The following DSCAM variants were observed in gnomAD, a reference collection of about 807,000 sequenced individuals.
DSCAM encodes the protein DS cell adhesion molecule, also known as cell adhesion molecule DSCAM.
DSCAM carries 47 observed loss-of-function variants against 217.7 expected under a neutral mutation model. The observed-to-expected ratio is 0.22, with a 90% CI of 0.17 to 0.28. The LOEUF is 0.28. Ranked by LOEUF, DSCAM falls within the 10% of genes least tolerant of loss-of-function variation. The probability of loss-of-function intolerance (pLI) is 1.00; values close to 1 mark genes in which losing one functional copy is unlikely to be tolerated. For synonymous variants in DSCAM, 1,056 were observed against 1,015.3 expected, an observed-to-expected ratio of 1.04 and a Z score of -0.76; for missense variants, 2,080 against 2,618.3, an observed-to-expected ratio of 0.79 and a Z score of 4.49.
intron 8 of DSCAM, among the ~76,000 whole-genome samples, chr21:40,315,356 G>C (rs1370082865): frequency 6.6e-6 from 1 of 151,338 alleles, no homozygotes; most frequent in Non-Finnish European, 1.5e-5. Context: ...GTGAGCCAAG[G>C]TCATGTCACT....
At chr21:40,433,064 A>T (rs1443868490) in intron 3 of DSCAM, among the ~76,000 whole-genome samples, 2 of 152,154 alleles carry the variant, frequency 1.3e-5, no homozygotes, top group African/African-American at 4.8e-5. Context: ...TCATTAATAT[A>T]CCTGTCAAAA....
chr21:40,142,905 A>T (rs191604833), intron 17 of DSCAM, among the ~76,000 whole-genome samples: 2 of 152,334 alleles, frequency 1.3e-5, no homozygotes, highest in African/African-American at 4.8e-5. Context: ...TCATGAGTCA[A>T]TGCATATATT....
At chr21:40,519,482 G>C (rs2146084731) in intron 3 of DSCAM, among the ~76,000 whole-genome samples, 1 of 152,296 alleles carries the variant, frequency 6.6e-6, no homozygotes, top group Admixed American at 6.5e-5. Context: ...ACACCTGAGA[G>C]AGACCCCTTG....
intron 1 of DSCAM, among the ~76,000 whole-genome samples, chr21:40,843,336 G>A (rs2092117309): frequency 6.6e-6 from 1 of 150,974 alleles, no homozygotes; most frequent in African/African-American, 2.4e-5. Flanking sequence ...AAATCCCACA[G>A]CTCAGGAAAA....
intron 3 of DSCAM, among the ~76,000 whole-genome samples, chr21:40,674,700 TC>T (rs1348307923): frequency 2.1e-5 from 3 of 144,482 alleles, no homozygotes; most frequent in Non-Finnish European, 4.5e-5. Flanking sequence ...TGGCGCGATC[TC>T]GGCTCACTGC....
At chr21:40,171,325 G>A (rs569301632) in intron 15 of DSCAM, among the ~76,000 whole-genome samples, 10 of 152,160 alleles carry the variant, frequency 6.6e-5, no homozygotes, top group African/African-American at 4.8e-5. Flanking sequence ...TGATCCGCCC[G>A]CCTCAGCCTC....
chr21:40,232,023 C>A lies in DSCAM; in HGVS notation c.2357-42785G>T, dbSNP rs187768454. ...ACATTCTAGGAATCATCTAAATGTTCCCATATATCTACTTGAAAAATATCA... is the reference window on the plus strand; with the variant it reads ...ACATTCTAGGAATCATCTAAATGTTACCATATATCTACTTGAAAAATATCA... On this transcript the variant is annotated intron_variant, in intron 11 of 32. Coordinates refer to ENST00000400454, the MANE Select transcript of DSCAM (RefSeq NM_001389.5). 3.3e-5 allele frequency among the ~76,000 whole-genome samples: 5 copies of A among 152,220 alleles called. No homozygotes were observed. In the East Asian group the frequency reaches 9.7e-4, roughly 29 times the overall value.
intron 3 of DSCAM, among the ~76,000 whole-genome samples, chr21:40,567,046 T>C (rs903778109): frequency 6.6e-6 from 1 of 152,108 alleles, no homozygotes. Context: ...AGCAGGGCCA[T>C]GTTAAGATGC....
intron 1 of DSCAM, among the ~76,000 whole-genome samples, chr21:40,750,926 G>A (rs1180102879): frequency 6.6e-6 from 1 of 152,134 alleles, no homozygotes; most frequent in Non-Finnish European, 1.5e-5. Context: ...CCCACCTGGA[G>A]CCCTCGCTCC....
At chr21:40,721,881 A>T (rs1303978015) in intron 1 of DSCAM, among the ~76,000 whole-genome samples, 1 of 152,172 alleles carries the variant, frequency 6.6e-6, no homozygotes, top group Non-Finnish European at 1.5e-5. Flanking sequence ...AAATTGTTCA[A>T]ATCCAACATA....
chr21:40,425,991 C>G (rs934903674), intron 3 of DSCAM, among the ~76,000 whole-genome samples: 1 of 152,196 alleles, frequency 6.6e-6, no homozygotes, highest in Non-Finnish European at 1.5e-5. Context: ...GTAAATTTCA[C>G]TTTGCTTGCT....
chr21:40,697,464 T>C (rs551133718), intron 2 of DSCAM, among the ~76,000 whole-genome samples: 36 of 152,344 alleles, frequency 2.4e-4, no homozygotes, highest in Non-Finnish European at 4.1e-4. Flanking sequence ...TTTCATAGTT[T>C]CAAGACTTAG....
intron 9 of DSCAM, 43 bp from the exon 10 acceptor site, chr21:40,296,217 A>C (rs778549556): frequency 6.2e-7 from 1 of 1,605,772 alleles, no homozygotes; most frequent in African/African-American, 1.3e-5. Flanking sequence ...ACTAGACCAG[A>C]AACTGAGTAA....
chr21:40,109,594 G>C (rs909624756), intron 20 of DSCAM, among the ~76,000 whole-genome samples: 4 of 152,210 alleles, frequency 2.6e-5, no homozygotes, highest in African/African-American at 9.6e-5. Flanking sequence ...GCAGCGCACC[G>C]AGCATGAGGC....
At chr21:40,275,119 G>A (rs1221175389) in intron 11 of DSCAM, among the ~76,000 whole-genome samples, 2 of 151,782 alleles carry the variant, frequency 1.3e-5, no homozygotes, top group Non-Finnish European at 2.9e-5. Flanking sequence ...GAGGGAAGGA[G>A]CTTGAGACCA....
chr21:40,377,316 C>T (rs1024699443), intron 3 of DSCAM, among the ~76,000 whole-genome samples: 2 of 152,004 alleles, frequency 1.3e-5, no homozygotes, highest in African/African-American at 2.4e-5. Flanking sequence ...TGGCTCATGC[C>T]CTCACGCAAA....
chr21:40,271,277 A>G (rs1443826370), intron 11 of DSCAM, among the ~76,000 whole-genome samples: 2 of 152,214 alleles, frequency 1.3e-5, no homozygotes, highest in African/African-American at 4.8e-5. Context: ...ACTAGATTCC[A>G]AGAGTAACTG....
chr21:40,025,754 TTCTC>T (rs1191018388), intron 32 of DSCAM, among the ~76,000 whole-genome samples: 3,114 of 150,954 alleles, frequency 0.021, 199 homozygotes, highest in African/African-American at 0.072. Flanking sequence ...TATTTGATTC[TTCTC>T]TCTTTTTCTC....
intron 3 of DSCAM, among the ~76,000 whole-genome samples, chr21:40,484,739 A>C (rs1318648935): frequency 6.6e-6 from 1 of 152,080 alleles, no homozygotes; most frequent in Non-Finnish European, 1.5e-5. Flanking sequence ...CATTCCCCAA[A>C]GTGCTGCTGA....
Sources: allele counts gnomAD v4.1 joint callset (sites outside exome capture counted in the v4.1 genomes callset), GRCh38; gene constraint gnomAD v4.1.1; transcripts MANE v1.5; gene names NCBI Gene and HGNC (gene_info 2026-07-23, HGNC 2026-07-21).